The following USH2A variants were observed in gnomAD, a reference collection of about 807,000 sequenced individuals.
USH2A encodes Usher syndrome 2A (autosomal recessive, mild).
In USH2A, 443 loss-of-function variants were observed where a neutral mutation model predicts 538.9. That is an observed-to-expected ratio of 0.82 (90% CI 0.76 to 0.89). USH2A has a LOEUF of 0.89. USH2A is among the 40% of genes least tolerant of loss of function. The pLI, the probability that USH2A is intolerant of heterozygous loss-of-function variation, is 0.00. For synonymous variants in USH2A, 2,413 were observed against 2,273.5 expected, an observed-to-expected ratio of 1.06 and a Z score of -1.75; for missense variants, 6,633 against 6,324.8, an observed-to-expected ratio of 1.05 and a Z score of -1.65.
chr1:216,212,111 G>T (rs2035253874), intron 15 of USH2A, among the ~76,000 whole-genome samples: 1 of 152,138 alleles, frequency 6.6e-6, no homozygotes, highest in African/African-American at 2.4e-5. Flanking sequence ...AAGAGAGATA[G>T]ATGTTTCACT....
intron 37 of USH2A, among the ~76,000 whole-genome samples, chr1:215,938,788 A>T (rs1666566443): frequency 6.6e-6 from 1 of 152,112 alleles, no homozygotes; most frequent in East Asian, 1.9e-4. Flanking sequence ...TTGGGCTTTA[A>T]CTGGGGGTCT....
chr1:216,108,788 T>C (rs936365226), intron 21 of USH2A, among the ~76,000 whole-genome samples: 13 of 152,146 alleles, frequency 8.5e-5, no homozygotes, highest in Non-Finnish European at 1.6e-4. Flanking sequence ...AGATCTAGAA[T>C]TTCCATTTTA....
At chr1:216,157,270 T>C (rs1291919184) in intron 21 of USH2A, among the ~76,000 whole-genome samples, 1 of 152,074 alleles carries the variant, frequency 6.6e-6, no homozygotes, top group Non-Finnish European at 1.5e-5. Flanking sequence ...AAAACAACAA[T>C]GAGATACCAT....
At chr1:216,301,477 TGTTTATACTGGCTTCAG>T (rs1297158138) in intron 9 of USH2A, among the ~76,000 whole-genome samples, 1 of 152,182 alleles carries the variant, frequency 6.6e-6, no homozygotes, top group Non-Finnish European at 1.5e-5. Context: ...CTAATCTCCA[TGTTTATACTGGCTTCAG>T]GGACCGAAAA....
At chr1:216,119,614 T>A (rs2033084766) in intron 21 of USH2A, among the ~76,000 whole-genome samples, 1 of 152,110 alleles carries the variant, frequency 6.6e-6, no homozygotes, top group Non-Finnish European at 1.5e-5. Flanking sequence ...AAATATCCCA[T>A]ATAAATATAT....
At chr1:215,773,699 C>A (rs140505416) in intron 55 of USH2A, among the ~76,000 whole-genome samples, 1 of 152,256 alleles carries the variant, frequency 6.6e-6, no homozygotes, top group African/African-American at 2.4e-5. Context: ...ATGTTGCTTC[C>A]TTTTGCCCTC....
chr1:215,765,534 T>C (rs1661103072), intron 56 of USH2A, among the ~76,000 whole-genome samples: 1 of 152,132 alleles, frequency 6.6e-6, no homozygotes, highest in Non-Finnish European at 1.5e-5. Flanking sequence ...TATGCCTTGG[T>C]TTCCCCATAT....
At chr1:216,045,728 A>G (rs1439025308) in intron 32 of USH2A, among the ~76,000 whole-genome samples, 1 of 152,136 alleles carries the variant, frequency 6.6e-6, no homozygotes, top group South Asian at 2.1e-4. Flanking sequence ...TGCTTAGCAC[A>G]TTTGTGCATT....
intron 56 of USH2A, among the ~76,000 whole-genome samples, chr1:215,762,708 T>C (rs947567356): frequency 2.0e-5 from 3 of 152,158 alleles, no homozygotes. Context: ...CCCTTCACCA[T>C]GTAACTCTGG....
chr1:215,836,478 A>T (rs188957153), intron 47 of USH2A, among the ~76,000 whole-genome samples: 1 of 4,954 alleles, frequency 2.0e-4, no homozygotes, highest in South Asian at 0.015. Context: ...ATATATATAT[A>T]TAATATATAT....
chr1:215,856,430 C>CA (rs1457853290), intron 44 of USH2A, among the ~76,000 whole-genome samples: 2 of 151,856 alleles, frequency 1.3e-5, no homozygotes, highest in South Asian at 2.1e-4. Flanking sequence ...TGCAAATGGC[C>CA]AAAAAACATA....
intron 61 of USH2A, among the ~76,000 whole-genome samples, chr1:215,710,335 AC>A (rs1186245488): frequency 6.6e-6 from 1 of 152,220 alleles, no homozygotes; most frequent in Non-Finnish European, 1.5e-5. Context: ...TAAAAGTAGG[AC>A]ACATGAAATG....
intron 41 of USH2A, among the ~76,000 whole-genome samples, chr1:215,883,819 A>G (rs991099071): frequency 2.0e-5 from 3 of 152,202 alleles, no homozygotes; most frequent in Admixed American, 6.5e-5. Flanking sequence ...TACATACTAC[A>G]GAAAGTACCA....
intron 32 of USH2A, among the ~76,000 whole-genome samples, chr1:216,011,513 C>T (rs116790961): frequency 0.015 from 2,247 of 152,242 alleles, 50 homozygotes; most frequent in African/African-American, 0.052. Flanking sequence ...TACAAAACAA[C>T]AATTCCTTTC....
chr1:215,656,182 C>T (rs866469245), intron 64 of USH2A, among the ~76,000 whole-genome samples: 7 of 152,286 alleles, frequency 4.6e-5, no homozygotes, highest in Middle Eastern at 3.4e-3. Flanking sequence ...TGCTTTGCCT[C>T]GCTCAATGTC....
intron 21 of USH2A, among the ~76,000 whole-genome samples, chr1:216,138,595 G>A (rs1477241847): frequency 1.3e-5 from 2 of 151,942 alleles, no homozygotes; most frequent in Admixed American, 1.3e-4. Context: ...GCTCATCCTT[G>A]CTTTTTATTG....
rs141664692 is a variant in USH2A at position 216,418,257 on chromosome 1, A to C, written c.651+257T>G. On this transcript the variant is annotated intron_variant, in intron 3 of 71. Transcript: ENST00000307340. ...CCAAGAAAACAAAAATTTTCTGAGG[A>C]TATTACAATTACAGATAGCATTGTC... is the stretch of plus-strand genomic sequence containing the variant. 1.9e-3 allele frequency among the ~76,000 whole-genome samples: 285 copies of C among 152,282 alleles called. 7 individuals carry two copies. In the East Asian group the frequency reaches 0.04, roughly 21 times the overall value.
intron 61 of USH2A, among the ~76,000 whole-genome samples, chr1:215,689,557 A>C (rs1418693): frequency 7.2e-5 from 11 of 152,028 alleles, no homozygotes; most frequent in Non-Finnish European, 1.5e-4. Flanking sequence ...GCAAAACTCT[A>C]GGATGTCACT....
intron 9 of USH2A, among the ~76,000 whole-genome samples, chr1:216,312,748 T>C (rs929747705): frequency 2.0e-5 from 3 of 152,192 alleles, no homozygotes; most frequent in African/African-American, 7.2e-5. Context: ...TTTAAGTTTC[T>C]GGTCTGATAA....
Sources: gnomAD v4.1 joint callset for allele counts (sites outside exome capture counted in the v4.1 genomes callset) on GRCh38, gnomAD v4.1.1 for gene constraint, MANE v1.5 for transcripts, NCBI Gene and HGNC (gene_info 2026-07-23, HGNC 2026-07-21) for gene names.